Variants in PARD3B observed in about 807,000 individuals in gnomAD.
The protein encoded by PARD3B is partitioning defective 3 homolog B.
Under a neutral mutation model 130.2 loss-of-function variants are expected in PARD3B, and 103 were observed. The observed-to-expected ratio is 0.79, with a 90% CI of 0.67 to 0.93. The LOEUF is 0.93. PARD3B is among the 40% of genes least tolerant of loss of function. The pLI is 0.00. For missense variants in PARD3B, 1,609 were observed against 1,499.2 expected, an observed-to-expected ratio of 1.07 and a Z score of -1.21; for synonymous variants, 583 against 553.2, an observed-to-expected ratio of 1.05 and a Z score of -0.76.
chr2:205,380,880 T>TTATAATGTATAAAGAATATA (rs2045369399), intron 18 of PARD3B, among the ~76,000 whole-genome samples: 1 of 12,820 alleles, frequency 7.8e-5, no homozygotes, highest in Non-Finnish European at 1.4e-4. Flanking sequence ...AAAGAATACA[T>TTATAATGTATAAAGAATATA]TATAATATAT....
chr2:205,383,963 G>A (rs1331129559), intron 18 of PARD3B, among the ~76,000 whole-genome samples: 1 of 151,916 alleles, frequency 6.6e-6, no homozygotes, highest in Non-Finnish European at 1.5e-5. Context: ...TTATAAAATT[G>A]CCCACTGGCT....
At chr2:205,451,170 G>A (rs2048089045) in intron 20 of PARD3B, among the ~76,000 whole-genome samples, 1 of 152,092 alleles carries the variant, frequency 6.6e-6, no homozygotes, top group African/African-American at 2.4e-5. Flanking sequence ...TCTTCTTCAT[G>A]TTGCATCATG....
intron 22 of PARD3B, among the ~76,000 whole-genome samples, chr2:205,587,438 T>A (rs1210500167): frequency 6.6e-6 from 1 of 152,212 alleles, no homozygotes; most frequent in Admixed American, 6.5e-5. Flanking sequence ...ACTATCCATA[T>A]TTAGTAAATC....
intron 3 of PARD3B, among the ~76,000 whole-genome samples, chr2:205,043,447 G>C (rs1246274790): frequency 6.6e-6 from 1 of 152,170 alleles, no homozygotes; most frequent in African/African-American, 2.4e-5. Context: ...CTGAGTCACA[G>C]AGCAGTGCAA....
At chr2:205,588,532 C>T (rs1037079693) in intron 22 of PARD3B, among the ~76,000 whole-genome samples, 4 of 151,418 alleles carry the variant, frequency 2.6e-5, no homozygotes, top group East Asian at 3.9e-4. Context: ...TGTGTGTGTG[C>T]GTGTGCATAT....
intron 2 of PARD3B, among the ~76,000 whole-genome samples, chr2:204,911,872 A>G (rs774928202): frequency 9.2e-5 from 14 of 152,256 alleles, no homozygotes; most frequent in Non-Finnish European, 1.3e-4. Flanking sequence ...AATATATACA[A>G]CTTTTGTTTG....
intron 2 of PARD3B, among the ~76,000 whole-genome samples, chr2:204,802,032 G>A (rs1223437109): frequency 2.0e-5 from 3 of 152,184 alleles, no homozygotes; most frequent in Admixed American, 2.0e-4. Flanking sequence ...TGTTGAACAA[G>A]CGTTGCATCC....
At chr2:205,168,320 A>AGAGAGAGAGAGAGAGAGT (rs371904121) in intron 11 of PARD3B, among the ~76,000 whole-genome samples, 6,104 of 118,676 alleles carry the variant, frequency 0.051, 224 homozygotes, top group East Asian at 0.097. Context: ...AGAGAGAGAG[A>AGAGAGAGAGAGAGAGAGT]GTGTGTGTGT....
intron 10 of PARD3B, among the ~76,000 whole-genome samples, chr2:205,145,788 A>T (rs1303158177): frequency 2.7e-5 from 4 of 147,832 alleles, no homozygotes; most frequent in Non-Finnish European, 5.9e-5. Flanking sequence ...AAGACTCTGA[A>T]TATGTTTTAA....
rs1696114737 is a variant in PARD3B at position 205,015,950 on chromosome 2, C to G, written c.395-31631C>G. ...CGTTTCTGCACTCCACCTGAGGCCA[C>G]CACTCCCAACAGTTACACTGAAGTT... On this transcript the variant is annotated intron_variant, in intron 3 of 22. Transcript: ENST00000406610. This position sits in a 1 kb window ranked among gnomAD's most constrained non-coding sequence, Gnocchi z 4.5. 6.6e-6 allele frequency among the ~76,000 whole-genome samples: 1 copy of G among 152,150 alleles called. No homozygotes were observed. Among genetic ancestry groups the G allele is most frequent in the African/African-American group, 2.4e-5 (1 of 41,438 alleles).
intron 4 of PARD3B, among the ~76,000 whole-genome samples, chr2:205,082,915 A>T (rs377336045): frequency 1.3e-5 from 2 of 149,360 alleles, no homozygotes; most frequent in African/African-American, 4.9e-5. Flanking sequence ...AAGTTAAAAT[A>T]TATCTTTTTT....
intron 4 of PARD3B, among the ~76,000 whole-genome samples, chr2:205,077,123 A>AAT (rs1208018110): frequency 3.9e-5 from 6 of 152,082 alleles, no homozygotes; most frequent in South Asian, 2.1e-4. Context: ...GATATAAACA[A>AAT]ATATATATAT....
At chr2:205,031,619 CTT>C (rs1697430589) in intron 3 of PARD3B, among the ~76,000 whole-genome samples, 1 of 152,030 alleles carries the variant, frequency 6.6e-6, no homozygotes, top group Non-Finnish European at 1.5e-5. Flanking sequence ...GTAGATTATG[CTT>C]TAATTCACTA....
intron 20 of PARD3B, among the ~76,000 whole-genome samples, chr2:205,485,233 T>C (rs2049392832): frequency 6.6e-6 from 1 of 152,196 alleles, no homozygotes. Flanking sequence ...CAGACCCAGA[T>C]TCCTAATGGG....
chr2:204,911,816 T>C (rs1179963223), intron 2 of PARD3B, among the ~76,000 whole-genome samples: 1 of 152,334 alleles, frequency 6.6e-6, no homozygotes, highest in African/African-American at 2.4e-5. Flanking sequence ...AAAGTGGTTA[T>C]TATTTCCCAG....
rs1354163260 is a variant in PARD3B, at chr2:205,590,933, C to G, written c.3261-24523C>G. Among the ~76,000 whole-genome samples, 1 of 152,020 alleles carries G rather than the reference C, an allele frequency of 6.6e-6. No homozygotes were observed. Among genetic ancestry groups the G allele is most frequent in the Admixed American group, 6.6e-5 (1 of 15,258 alleles). On this transcript the variant is annotated intron_variant, in intron 22 of 22. Transcript: ENST00000406610. This position sits in a 1 kb window ranked among gnomAD's most constrained non-coding sequence, Gnocchi z 4.1. Reference sequence around the variant, plus strand: ...TCCAGTGATTCATCCATCAGATAATCCCATATAAAGGAAAAAGACAAGAGA... The same window carrying G: ...TCCAGTGATTCATCCATCAGATAATGCCATATAAAGGAAAAAGACAAGAGA...
intron 15 of PARD3B, among the ~76,000 whole-genome samples, chr2:205,220,861 C>T (rs1220477369): frequency 6.6e-6 from 1 of 152,100 alleles, no homozygotes; most frequent in African/African-American, 2.4e-5. Flanking sequence ...GCATGGTTTG[C>T]GTGTCCTAGG....
chr2:205,252,007 C>T (rs969373975), intron 16 of PARD3B, among the ~76,000 whole-genome samples: 11 of 152,082 alleles, frequency 7.2e-5, no homozygotes, highest in Non-Finnish European at 1.2e-4. Context: ...ATATGTCTAG[C>T]GTTCTTCCTA....
At chr2:205,172,460 A>G in intron 12 of PARD3B, 79 bp downstream of exon 12, 1 of 1,401,180 alleles carries the variant, frequency 7.1e-7, no homozygotes, top group Non-Finnish European at 9.7e-7. Context: ...CTAGTATGGC[A>G]GCTAGATTCA....
Sources: allele counts gnomAD v4.1 joint callset (sites outside exome capture counted in the v4.1 genomes callset), GRCh38; gene constraint gnomAD v4.1.1; non-coding constraint Gnocchi (gnomAD v3.1); transcripts MANE v1.5; gene names NCBI Gene and HGNC (gene_info 2026-07-23, HGNC 2026-07-21).